Variants in MSC observed in about 807,000 individuals in gnomAD.
The protein encoded by MSC is activated B-cell factor 1, homolog of mouse musculin.
Under a neutral mutation model 14.4 loss-of-function variants are expected in MSC, and 16 were observed. That is an observed-to-expected ratio of 1.11 (90% CI 0.75 to 1.69). The LOEUF is 1.69. Among genes scored for constraint, MSC ranks in the 40% most tolerant of loss-of-function variants. The pLI is 0.00. For synonymous variants in MSC, 165 were observed against 128.5 expected, an observed-to-expected ratio of 1.28 and a Z score of -1.92; for missense variants, 320 against 288.1, an observed-to-expected ratio of 1.11 and a Z score of -0.80.
chr8:71,843,892 G>C lies in MSC; in HGVS notation c.287C>G (p.Pro96Arg). 6.2e-7 allele frequency: 1 copy of C among 1,601,286 alleles called. No individual in the cohort carries two copies. The highest frequency in any genetic ancestry group is 1.7e-4 in the Middle Eastern group (1 of 5,938). ...GCACTCTGCGGCTGAGCCCTTGGCC[G>C]GGAGGGGCTTCTTGCCACCACCGCC... ...SAGGGGKKPL[P>R]AKGSAAECKQ... The change falls in exon 1 of 2, where the codon CCG becomes CGG. Residue 96 changes from proline (P) to arginine (R), a missense_variant. By Grantham distance (103) the Pro-to-Arg change is moderately radical (BLOSUM62 -2). Coordinates refer to ENST00000325509, the MANE Select transcript of MSC (RefSeq NM_005098.4).
Position 71,842,595 on chromosome 8 carries a change from T to C in MSC, c.*66A>G. ...TTCTTCCCATCTCACGAGCTCTCCC[T>C]TCTCTCCGTGGCCCCCAAACACTCG... On this transcript the variant is annotated 3_prime_UTR_variant, in exon 2 of 2. Transcript: ENST00000325509. 1 of 1,472,680 alleles carries C rather than the reference T, an allele frequency of 6.8e-7. No homozygotes were observed. Among genetic ancestry groups the C allele is most frequent in the Non-Finnish European group, 9.5e-7 (1 of 1,051,690 alleles). The allele number at this position is 1,472,680 out of a possible 1,614,324, so 91.2% of individuals were successfully genotyped here.
Position 71,844,352 on chromosome 8 carries a change from C to T in MSC, c.-174G>A. ...GCGAGGTGGGTGGCGAGAGCGTGAG[C>T]GCCCCTCTGCTGACCCCGGGGAGCG... On this transcript the variant is annotated 5_prime_UTR_variant, in exon 1 of 2. Coordinates refer to ENST00000325509, the MANE Select transcript of MSC (RefSeq NM_005098.4). 2 of 911,736 alleles carry T rather than the reference C, an allele frequency of 2.2e-6. No homozygotes were observed. The highest frequency in any genetic ancestry group is 1.4e-5 in the South Asian group (1 of 70,902). 56.5% of individuals were successfully genotyped at this position (911,736 alleles called of 1,614,324 possible). A position where few individuals can be genotyped will look rare whatever the true frequency, so the allele number is the denominator to read the frequency against.
chr8:71,842,593 C>G lies in MSC; in HGVS notation c.*68G>C. 4.2e-6 allele frequency: 6 copies of G among 1,442,702 alleles called. No individual in the cohort carries two copies. Among genetic ancestry groups the G allele is most frequent in the Non-Finnish European group, 3.9e-6 (4 of 1,024,314 alleles). 89.4% of individuals were successfully genotyped at this position (1,442,702 alleles called of 1,614,324 possible). ...ACTTCTTCCCATCTCACGAGCTCTC[C>G]CTTCTCTCCGTGGCCCCCAAACACT... is the stretch of plus-strand genomic sequence containing the variant. On this transcript the variant is annotated 3_prime_UTR_variant, in exon 2 of 2. Coordinates refer to ENST00000325509, the MANE Select transcript of MSC (RefSeq NM_005098.4).
chr8:71,844,062 G>T lies in MSC; in HGVS notation c.117C>A (p.Ala39=). 2 of 1,524,824 alleles carry T rather than the reference G, an allele frequency of 1.3e-6. No individual in the cohort carries two copies. The highest frequency in any genetic ancestry group is 1.3e-5 in the South Asian group (1 of 76,152). The allele number at this position is 1,524,824 out of a possible 1,614,324, so 94.5% of individuals were successfully genotyped here. ...CTGCCGACGAGTTGTCACTGGGCGA[G>T]GCGTAGCTGCGCTCTACGCCGCGGA... is the stretch of plus-strand genomic sequence containing the variant. ...PPLRGVERSY[A]SPSDNSSAEE... is the part of the protein sequence containing the mutation. Residue 39 remains alanine (A), a synonymous_variant, in exon 1 of 2, where the codon GCC becomes GCA. Transcript: ENST00000325509.
In MSC at chr8:71,842,745, T is replaced by A. The variant is rs375892944; in HGVS notation, c.537A>T (p.Thr179=). The change falls in exon 2 of 2, where the codon ACA becomes ACT. Residue 179 remains threonine, a splice_region_variant and synonymous_variant. Coordinates refer to ENST00000325509, the MANE Select transcript of MSC (RefSeq NM_005098.4). ...GTCTTCCCGAGACCACGAATGGCCA[T>A]GTCTGTAAATCAAAAAGAACGTGAG... ...ENGYVHPVNL[T]WPFVVSGRPD... is the part of the protein sequence containing the mutation. 1,094 of 1,613,896 alleles carry A rather than the reference T, an allele frequency of 6.8e-4. 21 individuals carry two copies. The South Asian group carries it at 0.011, about 17-fold the overall frequency.
rs1478797721 is a variant in MSC at position 71,843,669 on chromosome 8, G to A, written c.510C>T (p.Asn170=). Residue 170 remains asparagine (N), a synonymous_variant, in exon 1 of 2, where the codon AAC becomes AAT. Coordinates refer to ENST00000325509, the MANE Select transcript of MSC (RefSeq NM_005098.4). ...CCAGGTTCACTGGGTGCACGTAGCC[G>A]TTCTCATAGCGGTCCTCCTGCAACA... is the stretch of plus-strand genomic sequence containing the variant. ...RQLLQEDRYE[N]GYVHPVNLTW... 1.3e-5 allele frequency: 21 copies of A among 1,614,108 alleles called. No individual in the cohort carries two copies. The highest frequency in any genetic ancestry group is 2.2e-5 in the East Asian group (1 of 44,896).
chr8:71,843,910 C>A lies in MSC; in HGVS notation c.269G>T (p.Gly90Val). The stretch of plus-strand genomic sequence containing the variant: ...CTTGGCCGGGAGGGGCTTCTTGCCA[C>A]CACCGCCCGCGCTACCACCTGCGCC... Reference protein sequence around the residue: ...GGGAGGSAGGGGKKPLPAKGS... With the variant: ...GGGAGGSAGGVGKKPLPAKGS... Residue 90 changes from glycine to valine, a missense_variant, in exon 1 of 2, where the codon GGT (glycine) becomes GTT (valine). By Grantham distance (109) the Gly-to-Val change is moderately radical (BLOSUM62 -3). Transcript: ENST00000325509. 1 of 1,585,414 alleles carries A rather than the reference C, an allele frequency of 6.3e-7. No homozygotes were observed. The highest frequency in any genetic ancestry group is 1.1e-5 in the South Asian group (1 of 88,248).
At chr8:71,843,498 G>T in intron 1 of MSC, 147 bp downstream of exon 1, 1 of 1,001,956 alleles carries the variant, frequency 1.0e-6, no homozygotes, top group Non-Finnish European at 1.5e-6. Context: ...CTTGATTTGG[G>T]AGAAACTAAA....
chr8:71,843,846 C>G lies in MSC; in HGVS notation c.333G>C (p.Ala111=). Residue 111 remains alanine, a synonymous_variant, in exon 1 of 2, where the codon GCG becomes GCC. Coordinates refer to ENST00000325509, the MANE Select transcript of MSC (RefSeq NM_005098.4). ...TCCGGGCACGCTCACGGGCGTTGGC[C>G]GCGTTCCGCTGCGACTGCTTGCACT... ...AAECKQSQRN[A]ANARERARMR... 1 of 1,612,986 alleles carries G rather than the reference C, an allele frequency of 6.2e-7. No homozygotes were observed. Among genetic ancestry groups the G allele is most frequent in the Non-Finnish European group, 8.5e-7 (1 of 1,179,740 alleles).
At chr8:71,843,297 G>A in intron 1 of MSC, 1 of 419,406 alleles carries the variant, frequency 2.4e-6, no homozygotes, top group South Asian at 2.3e-5. Flanking sequence ...AAACCTGCCC[G>A]ACTCAGCTGG....
In MSC at chr8:71,843,711, G is replaced by T; in HGVS notation, c.468C>A (p.Ile156=). The part of the protein sequence containing the change: ...LDTLRLASSY[I]AHLRQLLQED... ...CCTGCAACAGCTGCCGCAGGTGAGC[G>T]ATGTAACTGGAAGCCAGCCGGAGCG... Residue 156 remains isoleucine, a synonymous_variant, in exon 1 of 2, where the codon ATC becomes ATA. Coordinates refer to ENST00000325509, the MANE Select transcript of MSC (RefSeq NM_005098.4). 3 of 1,614,222 alleles carry T rather than the reference G, an allele frequency of 1.9e-6. No individual in the cohort carries two copies. The highest frequency in any genetic ancestry group is 1.3e-5 in the African/African-American group (1 of 75,080).
intron 1 of MSC, chr8:71,843,044 ACACACG>A (rs60260624): frequency 0.1 from 28,596 of 278,742 alleles, 2,465 homozygotes; most frequent in African/African-American, 0.31. Context: ...ACACACACAC[ACACACG>A]CACACACACA....
In MSC at chr8:71,844,215, T is replaced by TC. The variant is rs780128028; in HGVS notation, c.-38dup. On this transcript the variant is annotated 5_prime_UTR_variant, in exon 1 of 2. Coordinates refer to ENST00000325509, the MANE Select transcript of MSC (RefSeq NM_005098.4). ...CCTTGCCCACACGCGTCCTCTTTCC[T>TC]CCCCCCTGGCCAGTCTCGCTGTCTC... 2 of 1,598,020 alleles carry TC rather than the reference T, an allele frequency of 1.3e-6. No homozygotes were observed. Among genetic ancestry groups the TC allele is most frequent in the South Asian group, 1.1e-5 (1 of 90,380 alleles).
In MSC at chr8:71,843,969, G is replaced by T; in HGVS notation, c.210C>A (p.Cys70Ter). ...ALGTAGSAEG[C>*]KRKRPRVAGG... ...CAGCCACACGGGGCCGCTTCCTCTTGCAGCCTTCCGCGCTGCCGGCTGTGC... is the reference window on the plus strand; with the variant it reads ...CAGCCACACGGGGCCGCTTCCTCTTTCAGCCTTCCGCGCTGCCGGCTGTGC... Residue 70 changes from cysteine to a stop codon, truncating the protein, a stop_gained, in exon 1 of 2, where the codon TGC becomes TGA. Transcript: ENST00000325509. LOFTEE classifies it high-confidence loss of function. 1.9e-6 allele frequency: 3 copies of T among 1,560,834 alleles called. No homozygotes were observed. The highest frequency in any genetic ancestry group is 2.6e-6 in the Non-Finnish European group (3 of 1,155,004).
rs112401915 is a variant in MSC at position 71,842,263 on chromosome 8, G to A, written c.*398C>T. 8.1e-6 allele frequency: 2 copies of A among 246,142 alleles called. No homozygotes were observed. Among genetic ancestry groups the A allele is most frequent in the African/African-American group, 2.2e-5 (1 of 45,786 alleles). The allele number at this position is 246,142 out of a possible 1,614,324, so 15.2% of individuals were successfully genotyped here. A position where few individuals can be genotyped will look rare whatever the true frequency, so the allele number is the denominator to read the frequency against. The stretch of plus-strand genomic sequence containing the variant: ...CCCTAACCATTGTGTCACCGCGAAA[G>A]GCCGGGGCTGTGTGGAACCGTCCCG... On this transcript the variant is annotated 3_prime_UTR_variant, in exon 2 of 2. Transcript: ENST00000325509.
Position 71,844,042 on chromosome 8 carries a change from G to C in MSC, c.137C>G (p.Ser46Trp). 6.4e-7 allele frequency: 1 copy of C among 1,565,618 alleles called. No homozygotes were observed. Among genetic ancestry groups the C allele is most frequent in the African/African-American group, 1.4e-5 (1 of 73,540 alleles). ...RSYASPSDNSSAEEEDPDGEE... is the reference protein window; with the variant it reads ...RSYASPSDNSWAEEEDPDGEE... Reference sequence around the variant, plus strand: ...GCCGTCGGGGTCCTCCTCCTCTGCCGACGAGTTGTCACTGGGCGAGGCGTA... The same window carrying C: ...GCCGTCGGGGTCCTCCTCCTCTGCCCACGAGTTGTCACTGGGCGAGGCGTA... The change falls in exon 1 of 2, where the codon TCG becomes TGG. Residue 46 changes from serine (S) to tryptophan (W), a missense_variant. Transcript: ENST00000325509.
At chr8:71,843,078 ACACAGTCATC>A in intron 1 of MSC, 6 of 355,824 alleles carry the variant, frequency 1.7e-5, no homozygotes, top group African/African-American at 2.2e-5. Flanking sequence ...ACACACACAC[ACACAGTCATC>A]CACTCCAAGC....
Position 71,844,032 on chromosome 8 carries a change from C to T in MSC, c.147G>A (p.Glu49=). 5.7e-6 allele frequency: 9 copies of T among 1,576,792 alleles called. No individual in the cohort carries two copies. Among genetic ancestry groups the T allele is most frequent in the Non-Finnish European group, 6.9e-6 (8 of 1,164,044 alleles). The change falls in exon 1 of 2, where the codon GAG becomes GAA. Residue 49 remains glutamate (E), a synonymous_variant. Transcript: ENST00000325509. The part of the protein sequence containing the change: ...ASPSDNSSAE[E]EDPDGEEERC... ...GCTCCTCCTCGCCGTCGGGGTCCTC[C>T]TCCTCTGCCGACGAGTTGTCACTGG... is the stretch of plus-strand genomic sequence containing the variant.
In MSC at chr8:71,843,808, C is replaced by G. The variant is rs2074422649; in HGVS notation, c.371G>C (p.Ser124Thr). The G allele has an allele frequency of 6.2e-7, 1 of 1,613,704 alleles. No individual in the cohort carries two copies. The highest frequency in any genetic ancestry group is 8.5e-7 in the Non-Finnish European group (1 of 1,179,944). The change falls in exon 1 of 2, where the codon AGC becomes ACC. Residue 124 changes from serine (S) to threonine (T), a missense_variant. Physicochemically the swap from Ser to Thr is moderately conservative, Grantham distance 58 (BLOSUM62 1). Coordinates refer to ENST00000325509, the MANE Select transcript of MSC (RefSeq NM_005098.4). Reference sequence around the variant, plus strand: ...GGTCTTGAGCCTGGAGAAGGCTTTGCTCAGCACGCGCATCCGGGCACGCTC... The same window carrying G: ...GGTCTTGAGCCTGGAGAAGGCTTTGGTCAGCACGCGCATCCGGGCACGCTC... ...ARERARMRVL[S>T]KAFSRLKTSL... is the part of the protein sequence containing the mutation.
Sources: allele counts gnomAD v4.1 joint callset, GRCh38; gene constraint gnomAD v4.1.1; transcripts MANE v1.5; gene names NCBI Gene and HGNC (gene_info 2026-07-23, HGNC 2026-07-21).